Variants in AARS1 observed in about 807,000 individuals in gnomAD.
AARS1 encodes alanine--tRNA ligase, cytoplasmic.
A neutral mutation model predicts 108.9 loss-of-function variants in AARS1; 72 were observed. The ratio of observed to expected loss-of-function variants is 0.66; its 90% CI spans 0.55 to 0.80. The LOEUF is 0.80. Among genes scored for constraint, AARS1 ranks in the 30% least tolerant of loss-of-function variants. AARS1 has a pLI of 0.00. For missense variants in AARS1, 1,193 were observed against 1,233.2 expected (o/e 0.97, Z 0.49); for synonymous variants, 489 against 465.7 (o/e 1.05, Z -0.64).
At position 70,270,180 on chromosome 16, in the gene AARS1, G is replaced by C; in HGVS notation, c.816+16C>G. 2.5e-6 allele frequency: 4 copies of C among 1,613,920 alleles called. No homozygotes were observed. The highest frequency in any genetic ancestry group is 3.4e-6 in the Non-Finnish European group (4 of 1,179,850). ...AACTCCACAGAAGTTTACAATGTTTGCAATAGCACCAGTACCTTCTGAATG... is the reference window on the plus strand; with the variant it reads ...AACTCCACAGAAGTTTACAATGTTTCCAATAGCACCAGTACCTTCTGAATG... On this transcript the variant is annotated intron_variant, in intron 6 of 20. Transcript: ENST00000261772.
intron 16 of AARS1, 47 bp downstream of exon 16, chr16:70,255,681 C>T (rs1193933390): frequency 3.2e-6 from 5 of 1,541,902 alleles, no homozygotes; most frequent in Non-Finnish European, 4.5e-6. Context: ...AGACTGGGCT[C>T]CTCTTGCCTT....
intron 15 of AARS1, among the ~76,000 whole-genome samples, chr16:70,257,350 G>C (rs1357905904): frequency 3.3e-5 from 5 of 152,162 alleles, no homozygotes; most frequent in African/African-American, 1.2e-4. Context: ...AGGAGGTAGA[G>C]GTTGCAATGA....
At chr16:70,282,861 T>A in intron 1 of AARS1, 77 bp from the exon 2 acceptor site, 1 of 1,463,440 alleles carries the variant, frequency 6.8e-7, no homozygotes, top group Non-Finnish European at 9.5e-7. Flanking sequence ...ACTTCTGGCT[T>A]CTCAAGCCAA....
At position 70,253,263 on chromosome 16, in the gene AARS1, C is replaced by G; in HGVS notation, c.2721+5G>C. The G allele has an allele frequency of 6.2e-7, 1 of 1,607,324 alleles. No individual in the cohort carries two copies. The highest frequency in any genetic ancestry group is 2.2e-5 in the East Asian group (1 of 44,850). On this transcript the variant is annotated splice_donor_5th_base_variant and intron_variant, in intron 20 of 20. Transcript: ENST00000261772. Reference sequence around the variant, plus strand: ...CACTTCCCACTGGTGCGAGGTGGTGCTGACCTGGGGAACTTGACACAGGCA... The same window carrying G: ...CACTTCCCACTGGTGCGAGGTGGTGGTGACCTGGGGAACTTGACACAGGCA...
intron 9 of AARS1, among the ~76,000 whole-genome samples, 177 bp from the exon 10 acceptor site, chr16:70,265,839 C>A (rs1404510466): frequency 6.6e-6 from 1 of 152,208 alleles, no homozygotes; most frequent in Non-Finnish European, 1.5e-5. Context: ...GGGGGAAGCA[C>A]AATGGATGTC....
intron 2 of AARS1, 34 bp downstream of exon 2, chr16:70,282,586 A>C: frequency 1.2e-6 from 2 of 1,613,444 alleles, no homozygotes; most frequent in East Asian, 2.2e-5. Flanking sequence ...CTCTTATGTG[A>C]ACCAAAAGCC....
In AARS1 at chr16:70,252,730, T is replaced by C. The variant is rs1292123376; in HGVS notation, c.2898A>G (p.Val966=). The part of the protein sequence containing the change: ...TSFAQLRLGD[V]KN Reference sequence around the variant, plus strand: ...CCTCCTCCTTCCCCACTCAGTTCTTTACATCCCCGAGGCGCAGCTGGGCGA... The same window carrying C: ...CCTCCTCCTTCCCCACTCAGTTCTTCACATCCCCGAGGCGCAGCTGGGCGA... Residue 966 remains valine (V), a synonymous_variant, in exon 21 of 21, where the codon GTA becomes GTG. Transcript: ENST00000261772. 3 of 1,614,106 alleles carry C rather than the reference T, an allele frequency of 1.9e-6. No homozygotes were observed. Among genetic ancestry groups the C allele is most frequent in the Non-Finnish European group, 2.5e-6 (3 of 1,180,040 alleles).
At chr16:70,265,426 G>A in intron 10 of AARS1, 112 bp downstream of exon 10, 2 of 1,520,142 alleles carry the variant, frequency 1.3e-6, no homozygotes, top group African/African-American at 2.8e-5. Context: ...ACTGATCTAG[G>A]GGAAAAAGCA....
intron 5 of AARS1, among the ~76,000 whole-genome samples, 194 bp downstream of exon 5, chr16:70,271,587 T>A (rs968478346): frequency 6.6e-6 from 1 of 151,282 alleles, no homozygotes; most frequent in Admixed American, 6.6e-5. Context: ...ATTATAGGAA[T>A]AGCTCGCAAG....
chr16:70,285,935 CAA>C (rs562525024), intron 1 of AARS1, among the ~76,000 whole-genome samples: 115 of 152,270 alleles, frequency 7.6e-4, no homozygotes, highest in African/African-American at 2.7e-3. Context: ...AGCTACTTTC[CAA>C]AAGACACATG....
rs1210163050 is a variant in AARS1 at position 70,265,601 on chromosome 16, A to T, written c.1284T>A (p.Ile428=). 1.9e-6 allele frequency: 3 copies of T among 1,613,926 alleles called. No homozygotes were observed. The highest frequency in any genetic ancestry group is 3.3e-5 in the Admixed American group (2 of 59,980). Reference sequence around the variant, plus strand: ...CTACCACCAGGCCCTTCTCTTCAGCAATCAGTCCAGTCAGATCCACTGGAA... The same window carrying T: ...CTACCACCAGGCCCTTCTCTTCAGCTATCAGTCCAGTCAGATCCACTGGAA... The part of the protein sequence containing the change: ...YGFPVDLTGL[I]AEEKGLVVDM... The change falls in exon 10 of 21, where the codon ATT becomes ATA. Residue 428 remains isoleucine (I), a synonymous_variant. Transcript: ENST00000261772.
rs1597439359 is a variant in AARS1, at chr16:70,265,062, A to T, written c.1388T>A (p.Ile463Asn). 1.2e-6 allele frequency: 2 copies of T among 1,614,132 alleles called. No individual in the cohort carries two copies. The highest frequency in any genetic ancestry group is 1.7e-6 in the Non-Finnish European group (2 of 1,180,024). Residue 463 changes from isoleucine (I) to asparagine (N), a missense_variant, in exon 11 of 21, where the codon ATT becomes AAT. Transcript: ENST00000261772. ...QGKGAGGEDL[I>N]MLDIYAIEEL... ...TTCGATAGCGTAAATGTCCAGCATA[A>T]TGAGGTCTTCCCCACCAGCTCCCTT... is the stretch of plus-strand genomic sequence containing the variant.
intron 11 of AARS1, among the ~76,000 whole-genome samples, chr16:70,263,852 G>A (rs994272035): frequency 8.6e-5 from 13 of 152,000 alleles, no homozygotes; most frequent in African/African-American, 3.1e-4. Context: ...GCCCAGACTG[G>A]TCTCAAACAC....
At chr16:70,260,117 T>C (rs1198292080) in intron 13 of AARS1, among the ~76,000 whole-genome samples, 1 of 152,182 alleles carries the variant, frequency 6.6e-6, no homozygotes, top group African/African-American at 2.4e-5. Flanking sequence ...CATTTACATA[T>C]GGTCAATGGC....
chr16:70,254,432 C>A (rs1248963543), intron 17 of AARS1, 189 bp downstream of exon 17: 6 of 632,094 alleles, frequency 9.5e-6, no homozygotes, highest in South Asian at 8.7e-5. Context: ...CTGGGAGCAG[C>A]AGGGAATGTC....
chr16:70,287,744 A>G, intron 1 of AARS1, among the ~76,000 whole-genome samples: 1 of 152,066 alleles, frequency 6.6e-6, no homozygotes, highest in East Asian at 1.9e-4. Flanking sequence ...CCCTGACTCA[A>G]ACAACAACAA....
chr16:70,289,372 G>C, intron 1 of AARS1, 49 bp downstream of exon 1: 1 of 353,622 alleles, frequency 2.8e-6, no homozygotes, highest in Non-Finnish European at 5.6e-6. Context: ...CCCAGTCTGC[G>C]GGCCCAGCCG....
At chr16:70,275,858 A>G (rs1960534565) in intron 4 of AARS1, among the ~76,000 whole-genome samples, 1 of 140,422 alleles carries the variant, frequency 7.1e-6, no homozygotes, top group Non-Finnish European at 1.5e-5. Flanking sequence ...AATGGCATGA[A>G]CCCAGGAAGC....
At chr16:70,256,328 A>AAACAAACAAAAAAAACTATACT in intron 15 of AARS1, among the ~76,000 whole-genome samples, 1 of 152,142 alleles carries the variant, frequency 6.6e-6, no homozygotes, top group Non-Finnish European at 1.5e-5. Flanking sequence ...GTTTTGAGAC[A>AAACAAACAAAAAAAACTATACT]GAGTCCTGTT....
Sources: gnomAD v4.1 joint callset for allele counts (sites outside exome capture counted in the v4.1 genomes callset) on GRCh38, gnomAD v4.1.1 for gene constraint, MANE v1.5 for transcripts, NCBI Gene and HGNC (gene_info 2026-07-23, HGNC 2026-07-21) for gene names.